The following MARK2 variants were observed in gnomAD, a reference collection of about 807,000 sequenced individuals.
MARK2 encodes the protein microtubule affinity regulating kinase 2.
Under a neutral mutation model 89.8 loss-of-function variants are expected in MARK2, and 16 were observed. That is an observed-to-expected ratio of 0.18 (90% CI 0.12 to 0.27). MARK2 has a LOEUF of 0.27. Ranked by LOEUF, MARK2 falls within the 10% of genes least tolerant of loss-of-function variation. The pLI is 1.00. For missense variants in MARK2, 621 were observed against 1,049.9 expected, an observed-to-expected ratio of 0.59 and a Z score of 5.65; for synonymous variants, 382 against 399.5, an observed-to-expected ratio of 0.96 and a Z score of 0.52.
intron 1 of MARK2, among the ~76,000 whole-genome samples, chr11:63,863,454 C>T (rs1937933974): frequency 1.6e-5 from 2 of 121,444 alleles, no homozygotes; most frequent in South Asian, 3.5e-4. Context: ...CCCCCACCCC[C>T]CCACCCCCCA....
intron 1 of MARK2, chr11:63,868,772 A>G (rs766332050): frequency 4.4e-6 from 2 of 455,934 alleles, no homozygotes; most frequent in African/African-American, 2.0e-5. Flanking sequence ...GCAGAGGAAC[A>G]CTAGTGTTGG....
chr11:63,849,379 C>G (rs1271432903), intron 1 of MARK2, among the ~76,000 whole-genome samples: 1 of 152,196 alleles, frequency 6.6e-6, no homozygotes. Flanking sequence ...TTATGTTGAG[C>G]TTATGGCACA....
At position 63,900,546 on chromosome 11, in the gene MARK2, G is replaced by A. The variant is rs1301924319; in HGVS notation, c.769-13G>A. Reference sequence around the variant, plus strand: ...GGGTGATTTCAATTTTCTAACCCTGGATCCTCCTGCAGGAGCTGCGGGAAC... The same window carrying A: ...GGGTGATTTCAATTTTCTAACCCTGAATCCTCCTGCAGGAGCTGCGGGAAC... On this transcript the variant is annotated splice_polypyrimidine_tract_variant and intron_variant, in intron 8 of 18. Coordinates refer to ENST00000402010, the MANE Select transcript of MARK2 (RefSeq NM_001039469.3). This position sits in a 1 kb window ranked among gnomAD's most constrained non-coding sequence, Gnocchi z 4.7. The A allele has an allele frequency of 1.2e-6, 2 of 1,613,388 alleles. No individual in the cohort carries two copies. The highest frequency in any genetic ancestry group is 1.7e-6 in the Non-Finnish European group (2 of 1,179,564).
In MARK2 at chr11:63,890,154, C is replaced by T; in HGVS notation, c.55-5005C>T. The T allele has an allele frequency of 3.7e-6, 4 of 1,082,340 alleles. No homozygotes were observed. The South Asian group carries it at 5.1e-5, about 14-fold the overall frequency. 67.0% of individuals were successfully genotyped at this position (1,082,340 alleles called of 1,614,324 possible). ...AAGTTGCCTCACTTGGGGCCTTGGC[C>T]CAAGAAGCATTTCTGTTGGAGACTC... On this transcript the variant is annotated intron_variant, in intron 1 of 18. Transcript: ENST00000402010.
chr11:63,868,699 G>A (rs1026640715), intron 1 of MARK2: 33 of 448,454 alleles, frequency 7.4e-5, no homozygotes, highest in South Asian at 5.0e-4. Flanking sequence ...ACACCAACGT[G>A]TCTGCCTGCG....
chr11:63,908,846 C>CT, intron 18 of MARK2, 31 bp from the exon 19 acceptor site: 1 of 1,436,270 alleles, frequency 7.0e-7, no homozygotes, highest in Non-Finnish European at 9.2e-7. Context: ...CCTCAGCCCC[C>CT]CCGTGACGCC....
chr11:63,875,803 T>A (rs1208523061), intron 1 of MARK2, among the ~76,000 whole-genome samples: 1 of 152,248 alleles, frequency 6.6e-6, no homozygotes, highest in East Asian at 1.9e-4. Context: ...CTGGATTCTA[T>A]GGCAGACACA....
At chr11:63,864,461 T>G (rs1938015230) in intron 1 of MARK2, among the ~76,000 whole-genome samples, 1 of 150,680 alleles carries the variant, frequency 6.6e-6, no homozygotes, top group Non-Finnish European at 1.5e-5. Context: ...TCTGTATTGG[T>G]CAGGCTAGTG....
chr11:63,900,005 C>T lies in MARK2; in HGVS notation c.663C>T (p.Phe221=). The part of the protein sequence containing the change: ...GSPPYAAPEL[F]QGKKYDGPEV... The stretch of plus-strand genomic sequence containing the variant: ...CCCCTTATGCTGCCCCAGAACTCTT[C>T]CAGGGCAAAAAATATGATGGACCCG... Residue 221 remains phenylalanine, a synonymous_variant, in exon 8 of 19, where the codon TTC becomes TTT. Transcript: ENST00000402010. This position sits in a 1 kb window ranked among gnomAD's most constrained non-coding sequence, Gnocchi z 4.7. 1.2e-6 allele frequency: 2 copies of T among 1,614,154 alleles called. No individual in the cohort carries two copies. Among genetic ancestry groups the T allele is most frequent in the Non-Finnish European group, 1.7e-6 (2 of 1,180,006 alleles).
At chr11:63,884,377 C>G (rs1038856900) in intron 1 of MARK2, among the ~76,000 whole-genome samples, 2 of 152,232 alleles carry the variant, frequency 1.3e-5, no homozygotes, top group Non-Finnish European at 1.5e-5. Flanking sequence ...GCTCTCTGTT[C>G]TCACCTCTTA....
At chr11:63,870,390 C>T (rs950045632) in intron 1 of MARK2, among the ~76,000 whole-genome samples, 2 of 152,020 alleles carry the variant, frequency 1.3e-5, no homozygotes, top group Non-Finnish European at 2.9e-5. Flanking sequence ...ATTTAAAAGT[C>T]GGCACCAGCA....
In MARK2 at chr11:63,895,195, A is replaced by C; in HGVS notation, c.91A>C (p.Lys31Gln). ...ACACCTTGACTCCAAGCCCAGCAGT[A>C]AGTCCAACATGATTCGGGGCCGCAA... ...LGHLDSKPSSKSNMIRGRNSA... is the reference protein window; with the variant it reads ...LGHLDSKPSSQSNMIRGRNSA... The change falls in exon 2 of 19, where the codon AAG becomes CAG. Residue 31 changes from lysine (K) to glutamine (Q), a missense_variant. Coordinates refer to ENST00000402010, the MANE Select transcript of MARK2 (RefSeq NM_001039469.3). 6.2e-7 allele frequency: 1 copy of C among 1,614,086 alleles called. No homozygotes were observed. Among genetic ancestry groups the C allele is most frequent in the Non-Finnish European group, 8.5e-7 (1 of 1,179,952 alleles).
In MARK2 at chr11:63,908,984, T is replaced by A; in HGVS notation, c.2114T>A (p.Met705Lys). The change falls in exon 19 of 19, where the codon ATG becomes AAG. Residue 705 changes from methionine (M) to lysine (K), a missense_variant. This residue lies in a region of MARK2 where 49 missense variants were observed against 46.7 expected (regional missense o/e 1.05). Transcript: ENST00000402010. ...FTWSMKTTSSMEPNEMMREIR... is the reference protein window; with the variant it reads ...FTWSMKTTSSKEPNEMMREIR... ...TGGAGTATGAAGACCACGAGCTCCA[T>A]GGAGCCCAACGAGATGATGCGGGAG... The A allele has an allele frequency of 6.3e-7, 1 of 1,575,510 alleles. No individual in the cohort carries two copies. The highest frequency in any genetic ancestry group is 8.7e-7 in the Non-Finnish European group (1 of 1,151,096).
At chr11:63,872,854 T>G (rs1205119854) in intron 1 of MARK2, among the ~76,000 whole-genome samples, 1 of 148,762 alleles carries the variant, frequency 6.7e-6, no homozygotes, top group Non-Finnish European at 1.5e-5. Flanking sequence ...TAATCTCCCT[T>G]CCTCCTCCTC....
intron 1 of MARK2, among the ~76,000 whole-genome samples, chr11:63,877,220 C>T (rs1338315199): frequency 2.0e-5 from 3 of 150,484 alleles, no homozygotes; most frequent in Non-Finnish European, 4.4e-5. Context: ...AGGTGATCCT[C>T]CCACCTGGGC....
chr11:63,897,991 A>G (rs1241596100), intron 3 of MARK2, among the ~76,000 whole-genome samples: 1 of 152,220 alleles, frequency 6.6e-6, no homozygotes, highest in Middle Eastern at 3.2e-3. Context: ...GACGCAGCAG[A>G]GGGCATGGCT....
At chr11:63,896,557 A>C (rs1161140691) in intron 3 of MARK2, among the ~76,000 whole-genome samples, 2 of 152,226 alleles carry the variant, frequency 1.3e-5, no homozygotes, top group Non-Finnish European at 2.9e-5. Context: ...TCAGATAGTG[A>C]TACTGGGAAC....
At chr11:63,882,221 A>AT (rs11327438) in intron 1 of MARK2, among the ~76,000 whole-genome samples, 7 of 150,248 alleles carry the variant, frequency 4.7e-5, no homozygotes, top group South Asian at 2.1e-4. Context: ...CAAAATAATA[A>AT]TTTTTTTTTT....
At chr11:63,855,193 C>G (rs2016778728) in intron 1 of MARK2, among the ~76,000 whole-genome samples, 1 of 151,950 alleles carries the variant, frequency 6.6e-6, no homozygotes, top group African/African-American at 2.4e-5. Flanking sequence ...GAAATATTTT[C>G]CAGATTGCTA....
Sources: allele counts gnomAD v4.1 joint callset (sites outside exome capture counted in the v4.1 genomes callset), GRCh38; gene constraint gnomAD v4.1.1; regional missense constraint gnomAD v4.1.1; non-coding constraint Gnocchi (gnomAD v3.1); transcripts MANE v1.5; gene names NCBI Gene and HGNC (gene_info 2026-07-23, HGNC 2026-07-21).